TENM3: variants seen among roughly 807,000 people sequenced by gnomAD.
The protein encoded by TENM3 is teneurin transmembrane protein 3.
In TENM3, 63 loss-of-function variants were observed where a neutral mutation model predicts 255.1. The observed-to-expected ratio is 0.25, with a 90% CI of 0.20 to 0.30. The LOEUF (loss-of-function observed/expected upper bound fraction) is 0.30. TENM3 is among the 10% of genes least tolerant of loss of function. TENM3 has a pLI of 1.00. For synonymous variants in TENM3, 1,306 were observed against 1,322.3 expected, an observed-to-expected ratio of 0.99 and a Z score of 0.27; for missense variants, 2,929 against 3,461.1, an observed-to-expected ratio of 0.85 and a Z score of 3.86.
At chr4:182,231,577 A>C (rs111786792) in intron 1 of TENM3, among the ~76,000 whole-genome samples, 1 of 152,198 alleles carries the variant, frequency 6.6e-6, no homozygotes, top group East Asian at 1.9e-4. Flanking sequence ...CCTGGCCAGC[A>C]GTAGAAGGTT....
the TENM3 span, among the ~76,000 whole-genome samples, chr4:182,123,243 T>C: frequency 2.0e-5 from 3 of 152,334 alleles, no homozygotes; most frequent in South Asian, 4.2e-4. Context: ...GCTGTTTCAC[T>C]TTTTTATCAT....
rs746653609 is a variant in TENM3, at chr4:182,198,166, A to G, written c.-76+53412A>G. 4.7e-4 allele frequency among the ~76,000 whole-genome samples: 72 copies of G among 152,264 alleles called. 1 individual carries two copies. Among genetic ancestry groups the G allele is most frequent in the Non-Finnish European group, 1.0e-3 (68 of 68,004 alleles). ...AATAAAAGAATTGGTGGGAAGGCCT[A>G]GAATAGGCTTCTGACCCTGGGCCGT... is the stretch of plus-strand genomic sequence containing the variant. On this transcript the variant is annotated intron_variant, in intron 1 of 2. Transcript: ENST00000512480.
At chr4:181,997,871 G>A in the TENM3 span, among the ~76,000 whole-genome samples, 9 of 152,060 alleles carry the variant, frequency 5.9e-5, no homozygotes, top group East Asian at 3.9e-4. Context: ...CCTTTATTGC[G>A]GCAAGAACAG....
At chr4:182,258,178 C>T (rs1758547605) in intron 1 of TENM3, among the ~76,000 whole-genome samples, 1 of 151,964 alleles carries the variant, frequency 6.6e-6, no homozygotes, top group Non-Finnish European at 1.5e-5. Flanking sequence ...TACAAACATG[C>T]ATGTGTATTT....
the TENM3 span, among the ~76,000 whole-genome samples, chr4:181,979,073 A>C: frequency 7.7e-6 from 1 of 129,416 alleles, no homozygotes; most frequent in African/African-American, 2.9e-5. Context: ...TGAAGAAGCA[A>C]AATATATGCT....
chr4:181,979,239 T>C, the TENM3 span, among the ~76,000 whole-genome samples: 1 of 148,432 alleles, frequency 6.7e-6, no homozygotes, highest in Non-Finnish European at 1.5e-5. Context: ...TTTTTCTTCG[T>C]ATTTCTTATG....
At chr4:182,486,785 C>T (rs1197184804) in intron 3 of TENM3, among the ~76,000 whole-genome samples, 1 of 152,074 alleles carries the variant, frequency 6.6e-6, no homozygotes, top group Non-Finnish European at 1.5e-5. Context: ...TTGTAAAGGG[C>T]TAAGCTTAAT....
chr4:182,042,594 A>G, the TENM3 span, among the ~76,000 whole-genome samples: 16 of 152,222 alleles, frequency 1.1e-4, no homozygotes, highest in Non-Finnish European at 2.2e-4. Flanking sequence ...GTTTTCATGA[A>G]GTAAAGGACT....
intron 13 of TENM3, among the ~76,000 whole-genome samples, chr4:182,723,194 C>T (rs565552564): frequency 5.7e-4 from 86 of 152,186 alleles, no homozygotes; most frequent in Non-Finnish European, 9.9e-4. Flanking sequence ...AGGTCCAAAG[C>T]CACCAGGAGA....
At chr4:182,106,432 G>A in the TENM3 span, among the ~76,000 whole-genome samples, 1 of 152,170 alleles carries the variant, frequency 6.6e-6, no homozygotes, top group Admixed American at 6.5e-5. Flanking sequence ...ACTCCAGCCT[G>A]GGCGATGGAG....
At position 182,644,689 on chromosome 4, in the gene TENM3, G is replaced by GT. The variant is rs1752588691; in HGVS notation, c.989-9076dup. Reference sequence around the variant, plus strand: ...TCTCAAAATTATTTCAATTAATAAGGTTTTTTCTTAATTATTGGAAAAATC... The same window carrying GT: ...TCTCAAAATTATTTCAATTAATAAGGTTTTTTTCTTAATTATTGGAAAAATC... On this transcript the variant is annotated intron_variant, in intron 5 of 27. Transcript: ENST00000511685. Among the ~76,000 whole-genome samples the GT allele has an allele frequency of 2.0e-5, 3 of 152,156 alleles. No homozygotes were observed. The South Asian group carries it at 6.2e-4, about 32-fold the overall frequency.
intron 1 of TENM3, among the ~76,000 whole-genome samples, chr4:182,169,597 A>G (rs1000817405): frequency 1.3e-5 from 2 of 152,162 alleles, no homozygotes; most frequent in Non-Finnish European, 2.9e-5. Context: ...TTCCAGTAAT[A>G]ATGAGAAACG....
At chr4:181,457,086 CAA>C in the TENM3 span, among the ~76,000 whole-genome samples, 3 of 151,702 alleles carry the variant, frequency 2.0e-5, no homozygotes, top group Non-Finnish European at 4.4e-5. Flanking sequence ...GGTCATGAAA[CAA>C]AACACTGCAA....
chr4:182,208,767 C>T (rs961217720), intron 1 of TENM3, among the ~76,000 whole-genome samples: 2 of 152,124 alleles, frequency 1.3e-5, no homozygotes, highest in African/African-American at 2.4e-5. Flanking sequence ...CATGTCACTG[C>T]GGTGGCCTCT....
chr4:181,655,012 G>A, the TENM3 span, among the ~76,000 whole-genome samples: 1 of 152,174 alleles, frequency 6.6e-6, no homozygotes, highest in Non-Finnish European at 1.5e-5. Flanking sequence ...TCAGGCATTT[G>A]CAATCAAGCT....
chr4:182,742,223 TCTCAA>T (rs1465812525), intron 18 of TENM3, among the ~76,000 whole-genome samples: 1 of 152,194 alleles, frequency 6.6e-6, no homozygotes, highest in Non-Finnish European at 1.5e-5. Flanking sequence ...AAAATTACAA[TCTCAA>T]CTCAAATCTA....
intron 12 of TENM3, chr4:182,707,844 A>G (rs1205009623): frequency 6.6e-6 from 1 of 152,208 alleles, no homozygotes; most frequent in East Asian, 1.9e-4. Context: ...CATTTAGAGT[A>G]ATCTGTAGAT....
chr4:181,865,238 C>G, the TENM3 span, among the ~76,000 whole-genome samples: 2 of 152,210 alleles, frequency 1.3e-5, no homozygotes, highest in Non-Finnish European at 2.9e-5. Flanking sequence ...ATCTTACTAG[C>G]TGTTGTGAAC....
In TENM3 at chr4:182,754,807, T is replaced by C; in HGVS notation, c.4440T>C (p.Ser1480=). ...KLSAPSSLAA[S]PDGTLYIADL... ...GTGCCCCATCCTCCCTGGCTGCTTC[T>C]CCAGATGGTACACTGTATATTGCAG... The change falls in exon 22 of 28, where the codon TCT becomes TCC. Residue 1480 remains serine (S), a synonymous_variant. Transcript: ENST00000511685. This position sits in a 1 kb window ranked among gnomAD's most constrained non-coding sequence, Gnocchi z 5.1. 1 of 1,614,054 alleles carries C rather than the reference T, an allele frequency of 6.2e-7. No homozygotes were observed. Among genetic ancestry groups the C allele is most frequent in the Non-Finnish European group, 8.5e-7 (1 of 1,179,898 alleles).
Sources: allele counts gnomAD v4.1 joint callset (sites outside exome capture counted in the v4.1 genomes callset), GRCh38; gene constraint gnomAD v4.1.1; non-coding constraint Gnocchi (gnomAD v3.1); transcripts MANE v1.5; gene names NCBI Gene and HGNC (gene_info 2026-07-23, HGNC 2026-07-21).